LRRC4C: variants seen among roughly 807,000 people sequenced by gnomAD.
LRRC4C encodes leucine rich repeat containing 4C.
LRRC4C carries 5 observed loss-of-function variants against 33.6 expected under a neutral mutation model. The ratio of observed to expected loss-of-function variants is 0.15; its 90% confidence interval spans 0.08 to 0.31. The LOEUF is 0.31. LRRC4C is among the 10% of genes least tolerant of loss of function. LRRC4C has a pLI of 1.00. For synonymous variants in LRRC4C, 329 were observed against 302.0 expected (o/e 1.09, Z -0.93); for missense variants, 560 against 796.7 (o/e 0.70, Z 3.58).
chr11:40,533,636 C>A (rs192935992), intron 3 of LRRC4C, among the ~76,000 whole-genome samples: 2 of 152,078 alleles, frequency 1.3e-5, no homozygotes, highest in Non-Finnish European at 2.9e-5. Context: ...TCTCCACACA[C>A]GGTCATAAGG....
intron 2 of LRRC4C, among the ~76,000 whole-genome samples, chr11:40,827,107 C>G (rs563701441): frequency 6.6e-6 from 1 of 151,754 alleles, no homozygotes; most frequent in African/African-American, 2.4e-5. Flanking sequence ...AAAGCATAAA[C>G]TTACTCAAGA....
intron 4 of LRRC4C, among the ~76,000 whole-genome samples, chr11:40,312,370 C>A (rs548761733): frequency 6.6e-6 from 1 of 152,116 alleles, no homozygotes; most frequent in Non-Finnish European, 1.5e-5. Context: ...AGTTATTTTG[C>A]TTTTGTCTTC....
At chr11:41,119,755 T>A (rs1005094954) in intron 1 of LRRC4C, among the ~76,000 whole-genome samples, 1 of 152,184 alleles carries the variant, frequency 6.6e-6, no homozygotes, top group Non-Finnish European at 1.5e-5. Context: ...TGCTCTCTCT[T>A]GAAAAGTTGA....
chr11:40,726,177 A>C (rs932439738), intron 2 of LRRC4C, among the ~76,000 whole-genome samples: 1 of 152,020 alleles, frequency 6.6e-6, no homozygotes, highest in African/African-American at 2.4e-5. Context: ...AAAAAAAAAA[A>C]AAATTCCTGG....
chr11:40,794,897 G>A lies in LRRC4C; in HGVS notation c.-407+138738C>T, dbSNP rs7128790. Among the ~76,000 whole-genome samples the A allele has an allele frequency of 3.2e-3, 492 of 152,274 alleles. 2 individuals carry two copies. Among genetic ancestry groups the A allele is most frequent in the African/African-American group, 0.011 (458 of 41,564 alleles). The stretch of plus-strand genomic sequence containing the variant: ...CTGGCCTAGGATCAAGGTTTGGGCA[G>A]GTGACACAAGAATGATATATTGAGT... On this transcript the variant is annotated intron_variant, in intron 2 of 6. Transcript: ENST00000528697.
At chr11:40,597,981 A>G (rs1168571662) in intron 3 of LRRC4C, among the ~76,000 whole-genome samples, 1 of 152,190 alleles carries the variant, frequency 6.6e-6, no homozygotes, top group Non-Finnish European at 1.5e-5. Flanking sequence ...TTAAGGTTTG[A>G]AAGCCTATTT....
At chr11:40,417,146 T>G (rs556606735) in intron 3 of LRRC4C, among the ~76,000 whole-genome samples, 1 of 152,322 alleles carries the variant, frequency 6.6e-6, no homozygotes, top group East Asian at 1.9e-4. Context: ...CTTGGTCCAG[T>G]CACTTCCCTT....
At chr11:41,052,385 G>T (rs965670906) in intron 1 of LRRC4C, among the ~76,000 whole-genome samples, 1 of 151,712 alleles carries the variant, frequency 6.6e-6, no homozygotes, top group Non-Finnish European at 1.5e-5. Flanking sequence ...ATCCAAACTT[G>T]TCATCTACAT....
intron 1 of LRRC4C, among the ~76,000 whole-genome samples, chr11:41,203,275 A>T (rs1177207470): frequency 6.6e-6 from 1 of 152,192 alleles, no homozygotes; most frequent in Non-Finnish European, 1.5e-5. Flanking sequence ...TGAGGGCCCT[A>T]TAACAGAAAT....
chr11:40,730,646 G>T (rs956332042), intron 2 of LRRC4C, among the ~76,000 whole-genome samples: 5 of 152,106 alleles, frequency 3.3e-5, no homozygotes, highest in Non-Finnish European at 7.4e-5. Context: ...TTATCACAGA[G>T]GCTCAATCAG....
intron 3 of LRRC4C, among the ~76,000 whole-genome samples, chr11:40,333,296 T>A (rs1946442596): frequency 6.6e-6 from 1 of 152,206 alleles, no homozygotes; most frequent in Admixed American, 6.5e-5. Context: ...TACATACACA[T>A]ATTTGTGAGA....
At chr11:40,290,781 G>C (rs1049827240) in intron 4 of LRRC4C, among the ~76,000 whole-genome samples, 1 of 152,146 alleles carries the variant, frequency 6.6e-6, no homozygotes, top group Non-Finnish European at 1.5e-5. Flanking sequence ...AGGAAAGGAA[G>C]AGGGAGAGAG....
At chr11:41,144,856 T>A (rs1185445184) in intron 1 of LRRC4C, among the ~76,000 whole-genome samples, 1 of 152,148 alleles carries the variant, frequency 6.6e-6, no homozygotes, top group African/African-American at 2.4e-5. Context: ...CTCTGATTTT[T>A]AAAAAATGCA....
Position 41,031,431 on chromosome 11 carries a change from T to C in LRRC4C, c.-495-97708A>G, listed in dbSNP as rs796497602. Among the ~76,000 whole-genome samples, 8 of 152,134 alleles carry C rather than the reference T, an allele frequency of 5.3e-5. No individual in the cohort carries two copies. In the East Asian group the frequency reaches 1.2e-3, roughly 22 times the overall value. On this transcript the variant is annotated intron_variant, in intron 1 of 6. Coordinates refer to ENST00000528697, the MANE Select transcript of LRRC4C (RefSeq NM_001258419.2). Reference sequence around the variant, plus strand: ...ATTATACAGTACAAAAGACTACTTATGTATGTTACATCCTTTAAACTGTAA... The same window carrying C: ...ATTATACAGTACAAAAGACTACTTACGTATGTTACATCCTTTAAACTGTAA...
intron 2 of LRRC4C, among the ~76,000 whole-genome samples, chr11:40,890,712 G>C (rs12418241): frequency 6.6e-6 from 1 of 151,950 alleles, no homozygotes; most frequent in Non-Finnish European, 1.5e-5. Flanking sequence ...TACCAAGCTC[G>C]TTAAGTAGCA....
At chr11:40,277,872 A>G (rs1943224082) in intron 4 of LRRC4C, among the ~76,000 whole-genome samples, 1 of 152,134 alleles carries the variant, frequency 6.6e-6, no homozygotes, top group Admixed American at 6.6e-5. Context: ...TTATTATTGC[A>G]GTTGTCAAAA....
chr11:40,782,225 T>C (rs555356004), intron 2 of LRRC4C, among the ~76,000 whole-genome samples: 8 of 152,300 alleles, frequency 5.3e-5, no homozygotes, highest in Non-Finnish European at 1.2e-4. Context: ...AGATACCTTT[T>C]ACTATGTCAT....
At chr11:41,350,886 C>T (rs1378922391) in intron 1 of LRRC4C, among the ~76,000 whole-genome samples, 1 of 152,120 alleles carries the variant, frequency 6.6e-6, no homozygotes, top group Non-Finnish European at 1.5e-5. Context: ...AGCAAAGAAA[C>T]TCAGATCTGG....
At chr11:40,274,538 A>G (rs990403187) in intron 4 of LRRC4C, among the ~76,000 whole-genome samples, 13 of 151,886 alleles carry the variant, frequency 8.6e-5, no homozygotes, top group Admixed American at 8.6e-4. Context: ...TGATAAGCAT[A>G]ATGAAAAGGG....
Sources: allele counts gnomAD v4.1 joint callset (sites outside exome capture counted in the v4.1 genomes callset), GRCh38; gene constraint gnomAD v4.1.1; transcripts MANE v1.5; gene names NCBI Gene and HGNC (gene_info 2026-07-23, HGNC 2026-07-21).